Variants in KCND3 observed in about 807,000 individuals in gnomAD.
The protein encoded by KCND3 is potassium voltage-gated channel subfamily D member 3, also known as A-type voltage-gated potassium channel KCND3.
In KCND3, 9 loss-of-function variants were observed where a neutral mutation model predicts 51.1. The ratio of observed to expected loss-of-function variants is 0.18; its 90% confidence interval spans 0.11 to 0.31. KCND3 has a LOEUF of 0.31. Ranked by LOEUF, KCND3 falls within the 10% of genes least tolerant of loss-of-function variation. KCND3 has a pLI of 1.00. For synonymous variants in KCND3, 349 were observed against 368.0 expected (o/e 0.95, Z 0.59); for missense variants, 526 against 903.8 (o/e 0.58, Z 5.36).
At chr1:111,978,165 G>A (rs890388534) in intron 2 of KCND3, among the ~76,000 whole-genome samples, 2 of 152,210 alleles carry the variant, frequency 1.3e-5, no homozygotes, top group African/African-American at 4.8e-5. Flanking sequence ...ATCCCTCCCT[G>A]GAGGACACCT....
chr1:111,813,035 G>T (rs1665927780), intron 2 of KCND3, among the ~76,000 whole-genome samples: 1 of 152,196 alleles, frequency 6.6e-6, no homozygotes, highest in Non-Finnish European at 1.5e-5. Context: ...CCACGAGAGT[G>T]AGGTAACCAC....
Position 111,791,202 on chromosome 1 carries a change from T to C in KCND3, c.1107-4096A>G, listed in dbSNP as rs1282636867. Reference sequence around the variant, plus strand: ...AATTTCTCCTTATCTGAGACAACACTTGTTATTGTCCGTCTTTTTATAGCT... The same window carrying C: ...AATTTCTCCTTATCTGAGACAACACCTGTTATTGTCCGTCTTTTTATAGCT... On this transcript the variant is annotated intron_variant, in intron 2 of 7. Coordinates refer to ENST00000302127, the MANE Select transcript of KCND3 (RefSeq NM_001378969.1). 2.0e-5 allele frequency among the ~76,000 whole-genome samples: 3 copies of C among 152,218 alleles called. No homozygotes were observed. In the East Asian group the frequency reaches 5.8e-4, roughly 29 times the overall value.
chr1:111,833,940 G>T (rs1230762467), intron 2 of KCND3, among the ~76,000 whole-genome samples: 1 of 152,194 alleles, frequency 6.6e-6, no homozygotes, highest in Admixed American at 6.5e-5. Context: ...GACTGTCCAG[G>T]GCCTGGATTC....
chr1:111,941,238 A>G (rs893557188), intron 2 of KCND3, among the ~76,000 whole-genome samples: 7 of 151,878 alleles, frequency 4.6e-5, no homozygotes, highest in African/African-American at 1.7e-4. Context: ...GCACCCAGAA[A>G]AGCCAACATT....
At chr1:111,799,883 C>G (rs572173885) in intron 2 of KCND3, among the ~76,000 whole-genome samples, 40 of 152,368 alleles carry the variant, frequency 2.6e-4, no homozygotes, top group African/African-American at 9.4e-4. Flanking sequence ...ATCAACTTCA[C>G]TACCGGTCTC....
intron 2 of KCND3, among the ~76,000 whole-genome samples, chr1:111,937,632 C>T (rs1357076908): frequency 6.6e-6 from 1 of 152,150 alleles, no homozygotes; most frequent in Non-Finnish European, 1.5e-5. Context: ...GACAGGCAGG[C>T]ATAAAACAGT....
chr1:111,839,055 CACAA>C (rs111559710), intron 2 of KCND3, among the ~76,000 whole-genome samples: 14 of 152,336 alleles, frequency 9.2e-5, no homozygotes, highest in African/African-American at 3.4e-4. Flanking sequence ...CCCAAGTGCA[CACAA>C]ACAATCTATT....
chr1:111,950,532 T>C (rs751080466), intron 2 of KCND3, among the ~76,000 whole-genome samples: 3 of 152,170 alleles, frequency 2.0e-5, no homozygotes, highest in Non-Finnish European at 4.4e-5. Context: ...AATTGTTGAA[T>C]AGATTAATTA....
chr1:111,943,753 C>A (rs955531163), intron 2 of KCND3, among the ~76,000 whole-genome samples: 1 of 152,202 alleles, frequency 6.6e-6, no homozygotes, highest in African/African-American at 2.4e-5. Context: ...TTACAAGGTG[C>A]TTTCTCACAG....
At chr1:111,966,760 A>G (rs969080375) in intron 2 of KCND3, among the ~76,000 whole-genome samples, 2 of 152,162 alleles carry the variant, frequency 1.3e-5, no homozygotes, top group Admixed American at 6.5e-5. Flanking sequence ...TGTCTTTCTG[A>G]GGTATAGAGA....
At chr1:111,778,378 C>A in intron 6 of KCND3, 58 bp downstream of exon 6, 3 of 1,517,220 alleles carry the variant, frequency 2.0e-6, no homozygotes, top group Non-Finnish European at 2.7e-6. Context: ...AGGGGAGAAT[C>A]CACAGACTCA....
In KCND3 at chr1:111,912,234, G is replaced by GTA. The variant is rs1670986075; in HGVS notation, c.1106+69385_1106+69386dup. 1.3e-5 allele frequency among the ~76,000 whole-genome samples: 2 copies of GTA among 152,228 alleles called. 1 individual carries two copies. Among genetic ancestry groups the GTA allele is most frequent in the Admixed American group, 1.3e-4 (2 of 15,294 alleles). On this transcript the variant is annotated intron_variant, in intron 2 of 7. Transcript: ENST00000302127. ...AATGTTTTGGCCAATGCCAGATGGCGTATATGATGGTGGTCTCATAAGATT... is the reference window on the plus strand; with the variant it reads ...AATGTTTTGGCCAATGCCAGATGGCGTATATATGATGGTGGTCTCATAAGATT...
At chr1:111,843,552 T>C (rs482140) in intron 2 of KCND3, among the ~76,000 whole-genome samples, 129,305 of 152,146 alleles carry the variant, frequency 0.85, 55,166 homozygotes, top group East Asian at 1. Context: ...GGGTGTCCAC[T>C]CTTGCCTGGG....
At chr1:111,873,110 C>T (rs1668898915) in intron 2 of KCND3, among the ~76,000 whole-genome samples, 1 of 152,254 alleles carries the variant, frequency 6.6e-6, no homozygotes, top group African/African-American at 2.4e-5. Context: ...TCCGAAGAAG[C>T]TTCAGGTGAG....
intron 2 of KCND3, among the ~76,000 whole-genome samples, chr1:111,980,737 G>A (rs1019329925): frequency 5.3e-5 from 8 of 152,116 alleles, no homozygotes; most frequent in Admixed American, 2.6e-4. Flanking sequence ...CTAGGGTGAA[G>A]ACTGTAATCT....
At chr1:111,936,060 G>C (rs1248158086) in intron 2 of KCND3, among the ~76,000 whole-genome samples, 2 of 152,190 alleles carry the variant, frequency 1.3e-5, no homozygotes, top group African/African-American at 4.8e-5. Flanking sequence ...TGTGCTTTTT[G>C]TAGTTTCCAT....
chr1:111,861,487 C>A (rs1366322215), intron 2 of KCND3, among the ~76,000 whole-genome samples: 1 of 152,184 alleles, frequency 6.6e-6, no homozygotes, highest in African/African-American at 2.4e-5. Flanking sequence ...CTTTAAAAGG[C>A]TTTTCATTTT....
At chr1:111,844,649 A>C (rs1415347001) in intron 2 of KCND3, among the ~76,000 whole-genome samples, 1 of 152,014 alleles carries the variant, frequency 6.6e-6, no homozygotes, top group Admixed American at 6.5e-5. Context: ...CCATCCCTTC[A>C]CTTGAGACAG....
At chr1:111,792,805 A>G (rs1557939918) in intron 2 of KCND3, among the ~76,000 whole-genome samples, 1 of 151,784 alleles carries the variant, frequency 6.6e-6, no homozygotes, top group East Asian at 1.9e-4. Flanking sequence ...CAGGGTCCAG[A>G]CCACCATACT....
Sources: gnomAD v4.1 joint callset for allele counts (sites outside exome capture counted in the v4.1 genomes callset) on GRCh38, gnomAD v4.1.1 for gene constraint, MANE v1.5 for transcripts, NCBI Gene and HGNC (gene_info 2026-07-23, HGNC 2026-07-21) for gene names.